The following SPACA6 variants were observed in gnomAD, a reference collection of about 807,000 sequenced individuals.
SPACA6 encodes the protein sperm acrosome membrane-associated protein 6.
For synonymous variants in SPACA6, 6 were observed against 1.5 expected (o/e 4.05, Z -2.21); for missense variants, 8 against 2.8 (o/e 2.88, Z -1.34).
At chr19:51,706,297 T>G (rs1399611994), downstream of SPACA6, among the ~76,000 whole-genome samples, 2 of 152,190 alleles carry the variant, frequency 1.3e-5, no homozygotes, top group African/African-American at 4.8e-5. Flanking sequence ...TCTCCTTTTT[T>G]TTGTCTAGTT....
chr19:51,709,627 A>G (rs539172680), downstream of SPACA6, among the ~76,000 whole-genome samples: 26 of 151,556 alleles, frequency 1.7e-4, no homozygotes, highest in South Asian at 4.2e-4. Context: ...AAAAAAAAAA[A>G]AAAAGAAAAG....
In SPACA6 at chr19:51,693,479, GACTTCATAAAGGTT is replaced by G. The variant is rs1194909038; in HGVS notation, c.-44_-31del. ...ACTGGCCCTTCCCCCGCCCTGTGGT[GACTTCATAAAGGTT>G]ACTAGCTTCTCCCCTGGCCTTGAGA... is the stretch of plus-strand genomic sequence containing the variant. On this transcript the variant is annotated 5_prime_UTR_variant, in exon 1 of 9. Coordinates refer to ENST00000637797, the MANE Select transcript of SPACA6 (RefSeq NM_001316972.2). The G allele has an allele frequency of 3.7e-6, 2 of 533,492 alleles. No individual in the cohort carries two copies. Among genetic ancestry groups the G allele is most frequent in the Middle Eastern group, 2.8e-4 (1 of 3,520 alleles). The allele number at this position is 533,492 out of a possible 1,614,324, so 33.0% of individuals were successfully genotyped here. A position where few individuals can be genotyped will look rare whatever the true frequency, so the allele number is the denominator to read the frequency against.
At chr19:51,687,814 C>A (rs1208556430), upstream of SPACA6, 1 of 152,388 alleles carries the variant, frequency 6.6e-6, no homozygotes, top group Non-Finnish European at 1.5e-5. Flanking sequence ...ACTCCTGCCC[C>A]ATCCGTTCCT....
At chr19:51,709,625 A>G (rs2083532873), downstream of SPACA6, among the ~76,000 whole-genome samples, 1 of 151,536 alleles carries the variant, frequency 6.6e-6, no homozygotes, top group East Asian at 1.9e-4. Flanking sequence ...AAAAAAAAAA[A>G]AAAAAAGAAA....
chr19:51,711,513 A>G (rs1206145156), intron 2 of SPACA6, among the ~76,000 whole-genome samples: 3 of 152,238 alleles, frequency 2.0e-5, no homozygotes, highest in African/African-American at 7.2e-5. Context: ...TAGAATTAAC[A>G]TAAACCCAGC....
At chr19:51,683,005 T>C in the SPACA6 span, among the ~76,000 whole-genome samples, 3 of 152,188 alleles carry the variant, frequency 2.0e-5, no homozygotes, top group Non-Finnish European at 4.4e-5. Context: ...ATCATGCCAC[T>C]GCACTCCAGC....
downstream of SPACA6, among the ~76,000 whole-genome samples, chr19:51,706,357 A>G (rs1260615328): frequency 6.6e-6 from 1 of 152,016 alleles, no homozygotes; most frequent in Non-Finnish European, 1.5e-5. Context: ...AACCCCGCTA[A>G]TCCCCTTGAC....
At chr19:51,688,533 T>C (rs1196521495), upstream of SPACA6, 1 of 132,122 alleles carries the variant, frequency 7.6e-6, no homozygotes, top group African/African-American at 3.0e-5. Context: ...TGATTCACCT[T>C]TGAGCCCCCA....
upstream of SPACA6, chr19:51,693,235 G>T: frequency 1.5e-6 from 1 of 647,310 alleles, no homozygotes; most frequent in Non-Finnish European, 3.0e-6. Flanking sequence ...AGGGTCTACC[G>T]GGCCACCGCA....
At chr19:51,696,251 A>G (rs140959656) in intron 2 of SPACA6, among the ~76,000 whole-genome samples, 12 of 152,240 alleles carry the variant, frequency 7.9e-5, no homozygotes, top group South Asian at 2.1e-4. Context: ...AATACGTTCA[A>G]TTATACTTAC....
At chr19:51,700,995 G>A (rs8112143) in intron 2 of SPACA6, among the ~76,000 whole-genome samples, 4,608 of 152,230 alleles carry the variant, frequency 0.03, 86 homozygotes, top group Non-Finnish European at 0.048. Context: ...GCTGAGGTGG[G>A]TGGATCACTT....
chr19:51,706,475 C>G (rs2083516336), downstream of SPACA6, among the ~76,000 whole-genome samples: 2 of 152,130 alleles, frequency 1.3e-5, no homozygotes, highest in South Asian at 4.1e-4. Context: ...CTGGAACATG[C>G]AAGTCTCAGT....
At chr19:51,697,987 A>AGTGT (rs2083442769) in intron 2 of SPACA6, among the ~76,000 whole-genome samples, 1 of 152,128 alleles carries the variant, frequency 6.6e-6, no homozygotes. Context: ...GCCATTCTAC[A>AGTGT]CACTTAGTGA....
At chr19:51,690,792 C>A (rs987200975), upstream of SPACA6, among the ~76,000 whole-genome samples, 1 of 152,090 alleles carries the variant, frequency 6.6e-6, no homozygotes, top group Non-Finnish European at 1.5e-5. Context: ...ATGCTTAGGT[C>A]CGGGGAATCT....
chr19:51,687,904 G>GCCTCCAGCCA (rs1423436778), upstream of SPACA6: 1 of 152,788 alleles, frequency 6.5e-6, no homozygotes, highest in East Asian at 1.9e-4. Context: ...GTGCCCAGCA[G>GCCTCCAGCCA]TCTCCAGCCA....
At chr19:51,712,743 A>G (rs1245190512), downstream of SPACA6, among the ~76,000 whole-genome samples, 1 of 151,946 alleles carries the variant, frequency 6.6e-6, no homozygotes, top group Non-Finnish European at 1.5e-5. Flanking sequence ...TTTAACCCCT[A>G]TTTTCTCAGT....
chr19:51,703,331 A>G lies in SPACA6; in HGVS notation c.567A>G (p.Gly189=). The change falls in exon 6 of 9, where the codon GGA becomes GGG. Residue 189 remains glycine, a synonymous_variant. Coordinates refer to ENST00000637797, the MANE Select transcript of SPACA6 (RefSeq NM_001316972.2). The surrounding 1 kb of genome is among the most constrained non-coding windows in gnomAD (Gnocchi z 4.2). ...TCACCTATTCCTGGAAGTTCGCAGG[A>G]GGAGGTGTGAGTCGGGGCGGGGCCG... ...EEITYSWKFA[G]GGLRTQDLSY... The G allele has an allele frequency of 2.5e-6, 1 of 399,304 alleles. No homozygotes were observed. Among genetic ancestry groups the G allele is most frequent in the Non-Finnish European group, 4.4e-6 (1 of 226,102 alleles). 24.7% of individuals were successfully genotyped at this position (399,304 alleles called of 1,614,324 possible). A position where few individuals can be genotyped will look rare whatever the true frequency, so the allele number is the denominator to read the frequency against.
At chr19:51,686,815 T>C (rs141941672), upstream of SPACA6, 14 of 152,314 alleles carry the variant, frequency 9.2e-5, no homozygotes, top group African/African-American at 3.4e-4. Flanking sequence ...ATATAATGTA[T>C]AACAAATACT....
downstream of SPACA6, among the ~76,000 whole-genome samples, chr19:51,712,758 T>C (rs1206933108): frequency 6.6e-6 from 1 of 151,976 alleles, no homozygotes; most frequent in Non-Finnish European, 1.5e-5. Context: ...CTCAGTGAGA[T>C]AGGAAGCCAG....
Sources: gnomAD v4.1 joint callset for allele counts (sites outside exome capture counted in the v4.1 genomes callset) on GRCh38, gnomAD v4.1.1 for gene constraint, Gnocchi (gnomAD v3.1) non-coding constraint, MANE v1.5 for transcripts, NCBI Gene and HGNC (gene_info 2026-07-23, HGNC 2026-07-21) for gene names.